CNTNAP2: variants seen among roughly 807,000 people sequenced by gnomAD.
CNTNAP2 encodes contactin-associated protein-like 2.
In CNTNAP2, 98 loss-of-function variants were observed where a neutral mutation model predicts 155.2. That is an observed-to-expected ratio of 0.63 (90% CI 0.54 to 0.75). The LOEUF (loss-of-function observed/expected upper bound fraction) is 0.75. Ranked by LOEUF, CNTNAP2 falls within the 30% of genes least tolerant of loss-of-function variation. CNTNAP2 has a pLI of 0.00. For synonymous variants in CNTNAP2, 651 were observed against 631.2 expected (o/e 1.03, Z -0.47); for missense variants, 1,727 against 1,688.1 (o/e 1.02, Z -0.40).
chr7:148,283,237 C>A (rs1438451902), intron 21 of CNTNAP2, among the ~76,000 whole-genome samples: 1 of 15,014 alleles, frequency 6.7e-5, no homozygotes, highest in African/African-American at 2.1e-4. Flanking sequence ...GCAACTCTGT[C>A]TCAAAAAAAA....
chr7:146,969,723 T>C (rs1382291625), intron 3 of CNTNAP2, among the ~76,000 whole-genome samples: 1 of 152,054 alleles, frequency 6.6e-6, no homozygotes, highest in Non-Finnish European at 1.5e-5. Context: ...AAAGTTCATA[T>C]GGCACCAAAA....
At chr7:147,142,613 C>G (rs1801621592) in intron 8 of CNTNAP2, among the ~76,000 whole-genome samples, 1 of 152,130 alleles carries the variant, frequency 6.6e-6, no homozygotes, top group Non-Finnish European at 1.5e-5. Context: ...AGGATTCCCT[C>G]TTTTTCTATT....
In CNTNAP2 at chr7:146,789,741, C is replaced by T. The variant is rs1027666106; in HGVS notation, c.208+15360C>T. 2.7e-4 allele frequency among the ~76,000 whole-genome samples: 41 copies of T among 151,554 alleles called. 1 individual carries two copies. Among genetic ancestry groups the T allele is most frequent in the Admixed American group, 2.0e-4 (3 of 15,158 alleles). ...AAACTACTGATATGCAGCACCAATACGCTAGAATCTGACAGAAGCTGTATT... is the reference window on the plus strand; with the variant it reads ...AAACTACTGATATGCAGCACCAATATGCTAGAATCTGACAGAAGCTGTATT... On this transcript the variant is annotated intron_variant, in intron 2 of 23. Transcript: ENST00000361727.
intron 14 of CNTNAP2, among the ~76,000 whole-genome samples, chr7:147,922,784 G>A (rs777500738): frequency 3.3e-5 from 5 of 152,156 alleles, no homozygotes; most frequent in Non-Finnish European, 5.9e-5. Context: ...ACAAAAATAG[G>A]CTATAGAGGT....
intron 3 of CNTNAP2, among the ~76,000 whole-genome samples, chr7:146,855,047 G>T (rs920956562): frequency 6.6e-6 from 1 of 151,978 alleles, no homozygotes; most frequent in African/African-American, 2.4e-5. Context: ...ACATGAAAAG[G>T]AAACTCAAAC....
At chr7:147,957,110 G>T (rs148838849) in intron 14 of CNTNAP2, among the ~76,000 whole-genome samples, 1 of 152,210 alleles carries the variant, frequency 6.6e-6, no homozygotes, top group Non-Finnish European at 1.5e-5. Flanking sequence ...GGTTTGAAGA[G>T]ACAGGGGAAA....
At chr7:147,009,499 T>A (rs954408029) in intron 3 of CNTNAP2, among the ~76,000 whole-genome samples, 1 of 152,196 alleles carries the variant, frequency 6.6e-6, no homozygotes, top group Non-Finnish European at 1.5e-5. Flanking sequence ...CACTTGGAGT[T>A]GTGCTGAATT....
At chr7:146,422,258 T>C (rs1275604555) in intron 1 of CNTNAP2, among the ~76,000 whole-genome samples, 1 of 151,042 alleles carries the variant, frequency 6.6e-6, no homozygotes, top group Non-Finnish European at 1.5e-5. Context: ...AACATTGCAA[T>C]AAATATTCTT....
chr7:146,305,492 C>T (rs548047768), intron 1 of CNTNAP2, among the ~76,000 whole-genome samples: 3 of 152,060 alleles, frequency 2.0e-5, no homozygotes, highest in Non-Finnish European at 4.4e-5. Flanking sequence ...AGCTTTCCTT[C>T]TAACATTCAG....
chr7:148,330,811 AG>A (rs139328221), intron 21 of CNTNAP2, among the ~76,000 whole-genome samples: 15 of 72,470 alleles, frequency 2.1e-4, no homozygotes, highest in Middle Eastern at 0.013. Context: ...GGATGGATGG[AG>A]TGGAGTGGAC....
intron 19 of CNTNAP2, among the ~76,000 whole-genome samples, chr7:148,221,768 C>T (rs1795750602): frequency 6.6e-6 from 1 of 152,174 alleles, no homozygotes; most frequent in South Asian, 2.1e-4. Flanking sequence ...GCCCATCAGA[C>T]ACTTGTGTTC....
At chr7:146,202,055 G>C (rs889671549) in intron 1 of CNTNAP2, among the ~76,000 whole-genome samples, 6 of 152,090 alleles carry the variant, frequency 3.9e-5, no homozygotes, top group Non-Finnish European at 7.4e-5. Context: ...ATTCTCATTT[G>C]TATATAAAAC....
intron 9 of CNTNAP2, among the ~76,000 whole-genome samples, chr7:147,323,261 T>G (rs570054609): frequency 0.037 from 4,032 of 109,174 alleles, 255 homozygotes; most frequent in African/African-American, 0.15. Flanking sequence ...GTCCCAGAGA[T>G]TCTGGTATGT....
intron 1 of CNTNAP2, among the ~76,000 whole-genome samples, chr7:146,497,011 C>T (rs1256275041): frequency 6.6e-6 from 1 of 152,170 alleles, no homozygotes; most frequent in East Asian, 1.9e-4. Flanking sequence ...ATACCAAGGT[C>T]CACAGTACAT....
At chr7:146,130,904 C>T (rs1584763647) in intron 1 of CNTNAP2, among the ~76,000 whole-genome samples, 1 of 152,272 alleles carries the variant, frequency 6.6e-6, no homozygotes, top group Middle Eastern at 3.4e-3. Flanking sequence ...AGAATTCACT[C>T]ACTATCATTT....
At chr7:147,657,033 C>G (rs912298671) in intron 13 of CNTNAP2, among the ~76,000 whole-genome samples, 9 of 152,288 alleles carry the variant, frequency 5.9e-5, no homozygotes, top group Middle Eastern at 3.4e-3. Flanking sequence ...AAAGAAACTA[C>G]TCAAGCACAA....
chr7:148,313,999 T>TG (rs1797641527), intron 21 of CNTNAP2, among the ~76,000 whole-genome samples: 1 of 152,016 alleles, frequency 6.6e-6, no homozygotes, highest in African/African-American at 2.4e-5. Context: ...CTGGGCAGGT[T>TG]GGGGAGAGCT....
intron 1 of CNTNAP2, among the ~76,000 whole-genome samples, chr7:146,335,874 A>T (rs1584875022): frequency 6.6e-6 from 1 of 152,240 alleles, no homozygotes; most frequent in East Asian, 1.9e-4. Flanking sequence ...AAAACAAGGA[A>T]CACAAAATTA....
intron 21 of CNTNAP2, among the ~76,000 whole-genome samples, chr7:148,293,228 G>GT: frequency 6.6e-6 from 1 of 151,984 alleles, no homozygotes; most frequent in African/African-American, 2.4e-5. Flanking sequence ...CACAAGCATG[G>GT]TATTTTTTGT....
Sources: allele counts gnomAD v4.1 joint callset (sites outside exome capture counted in the v4.1 genomes callset), GRCh38; gene constraint gnomAD v4.1.1; transcripts MANE v1.5; gene names NCBI Gene and HGNC (gene_info 2026-07-23, HGNC 2026-07-21).